Variants in HDAC9 observed in about 807,000 individuals in gnomAD.
The protein encoded by HDAC9 is histone deacetylase 9, also known as MEF-2 interacting transcription repressor (MITR) protein.
HDAC9 carries 41 observed loss-of-function variants against 139.4 expected under a neutral mutation model. That is an observed-to-expected ratio of 0.29 (90% CI 0.23 to 0.38). HDAC9 has a LOEUF of 0.38. Among genes scored for constraint, HDAC9 ranks in the 10% least tolerant of loss-of-function variants. The pLI is 1.00. For missense variants in HDAC9, 1,147 were observed against 1,297.0 expected (o/e 0.88, Z 1.78); for synonymous variants, 517 against 476.2 (o/e 1.09, Z -1.12).
chr7:18,572,507 G>A (rs982688886), intron 2 of HDAC9, among the ~76,000 whole-genome samples: 8 of 151,936 alleles, frequency 5.3e-5, no homozygotes, highest in South Asian at 2.1e-4. Context: ...GAAAGGGGAC[G>A]GTTTGCACCA....
At chr7:18,759,701 T>C (rs964948347) in intron 14 of HDAC9, among the ~76,000 whole-genome samples, 1 of 152,216 alleles carries the variant, frequency 6.6e-6, no homozygotes, top group Non-Finnish European at 1.5e-5. Flanking sequence ...GCCAAAAAGA[T>C]TGGAAACCGC....
At chr7:18,985,416 T>C (rs1785265153) in intron 25 of HDAC9, among the ~76,000 whole-genome samples, 1 of 152,252 alleles carries the variant, frequency 6.6e-6, no homozygotes. Flanking sequence ...TTTTTATGGC[T>C]GCATGGTATT....
At chr7:18,519,995 G>A (rs1270949830) in intron 2 of HDAC9, among the ~76,000 whole-genome samples, 1 of 151,988 alleles carries the variant, frequency 6.6e-6, no homozygotes, top group Admixed American at 6.6e-5. Flanking sequence ...AGCATAGTAA[G>A]CTCAACTAAT....
chr7:18,979,732 C>T (rs916163005), intron 25 of HDAC9, among the ~76,000 whole-genome samples: 2 of 152,110 alleles, frequency 1.3e-5, no homozygotes, highest in East Asian at 1.9e-4. Flanking sequence ...GGAGCGGGTA[C>T]ATCACATGGC....
At chr7:18,791,001 A>C (rs1792254595) in intron 16 of HDAC9, among the ~76,000 whole-genome samples, 1 of 152,202 alleles carries the variant, frequency 6.6e-6, no homozygotes, top group South Asian at 2.1e-4. Context: ...AGACACCAAA[A>C]TTAATGTCAC....
chr7:18,439,641 C>A (rs940225172), intron 1 of HDAC9, among the ~76,000 whole-genome samples: 2 of 152,062 alleles, frequency 1.3e-5, no homozygotes, highest in Admixed American at 1.3e-4. Context: ...GACATGGAGA[C>A]CTATTTGTAG....
Position 18,750,072 on chromosome 7 carries a change from A to T in HDAC9, c.2043+934A>T, listed in dbSNP as rs1164229354. ...ACTTAGGTTTAAACTGAGTCTGTAA[A>T]ATATTTTACTTGAAATAGAAATGCC... On this transcript the variant is annotated intron_variant, in intron 14 of 25. Coordinates refer to ENST00000686413, the MANE Select transcript of HDAC9 (RefSeq NM_178425.4). 5.3e-5 allele frequency among the ~76,000 whole-genome samples: 8 copies of T among 152,320 alleles called. No homozygotes were observed. The South Asian group carries it at 8.3e-4, about 16-fold the overall frequency.
chr7:18,680,403 G>T (rs78499138), intron 12 of HDAC9, among the ~76,000 whole-genome samples: 1 of 151,994 alleles, frequency 6.6e-6, no homozygotes, highest in East Asian at 1.9e-4. Flanking sequence ...AGTTGGTATA[G>T]AAATGTGTTC....
intron 23 of HDAC9, among the ~76,000 whole-genome samples, chr7:18,943,584 A>G (rs1194626972): frequency 6.6e-6 from 1 of 152,070 alleles, no homozygotes; most frequent in Non-Finnish European, 1.5e-5. Flanking sequence ...TCCTCCTTTC[A>G]TTCATTGGCT....
intron 2 of HDAC9, among the ~76,000 whole-genome samples, chr7:18,175,813 T>G (rs1788853747): frequency 2.8e-5 from 4 of 141,566 alleles, no homozygotes; most frequent in Non-Finnish European, 6.1e-5. Flanking sequence ...CACTTGATTA[T>G]ATAAGGCTCT....
At chr7:18,944,321 C>T (rs889853624) in intron 23 of HDAC9, among the ~76,000 whole-genome samples, 4 of 152,160 alleles carry the variant, frequency 2.6e-5, no homozygotes, top group Admixed American at 6.5e-5. Flanking sequence ...TTGTCTGAGT[C>T]GCTTTGCATG....
chr7:18,746,071 A>G (rs147380266), intron 13 of HDAC9, among the ~76,000 whole-genome samples: 144 of 149,796 alleles, frequency 9.6e-4, no homozygotes, highest in African/African-American at 3.1e-3. Context: ...GGGTCTCCCT[A>G]TGTTGTTCAG....
chr7:18,276,962 C>T (rs1201093182), intron 2 of HDAC9, among the ~76,000 whole-genome samples: 1 of 152,014 alleles, frequency 6.6e-6, no homozygotes, highest in East Asian at 1.9e-4. Context: ...ATTTTTCTTG[C>T]ATCCTTTTAT....
chr7:18,435,153 A>C (rs1300236855), intron 1 of HDAC9, among the ~76,000 whole-genome samples: 1 of 151,506 alleles, frequency 6.6e-6, no homozygotes. Context: ...CTAATGCAGG[A>C]ACAGAAAACC....
intron 1 of HDAC9, among the ~76,000 whole-genome samples, chr7:18,331,485 G>A (rs1800915412): frequency 6.6e-6 from 1 of 151,598 alleles, no homozygotes; most frequent in Non-Finnish European, 1.5e-5. Context: ...TATTAGTTGT[G>A]TAGTAAAATG....
chr7:18,965,628 T>A (rs986826822), intron 24 of HDAC9, among the ~76,000 whole-genome samples: 1 of 152,230 alleles, frequency 6.6e-6, no homozygotes, highest in African/African-American at 2.4e-5. Flanking sequence ...TAGAGTTTAA[T>A]TCCTCTGGGG....
At chr7:18,832,799 G>A (rs980839407) in intron 19 of HDAC9, among the ~76,000 whole-genome samples, 13 of 151,932 alleles carry the variant, frequency 8.6e-5, no homozygotes, top group African/African-American at 1.5e-4. Context: ...GCAATGGCAC[G>A]ATCTCGGCTC....
Position 18,928,093 on chromosome 7 carries a change from C to T in HDAC9, c.2804-7716C>T, listed in dbSNP as rs542804973. ...TTTCTCTGAGAATTGGCTGCTGATT[C>T]TAGAGTCTGTTCTATTTTACTACAG... On this transcript the variant is annotated intron_variant, in intron 22 of 25. Transcript: ENST00000686413. Among the ~76,000 whole-genome samples, 142 of 152,244 alleles carry T rather than the reference C, an allele frequency of 9.3e-4. No individual in the cohort carries two copies. In the Middle Eastern group the frequency reaches 0.01, roughly 11 times the overall value.
chr7:18,282,498 A>C (rs576953166), intron 2 of HDAC9, among the ~76,000 whole-genome samples: 96 of 152,274 alleles, frequency 6.3e-4, no homozygotes, highest in African/African-American at 1.9e-3. Context: ...TATTATTCTT[A>C]AACAAGACAA....
Sources: gnomAD v4.1 joint callset for allele counts (sites outside exome capture counted in the v4.1 genomes callset) on GRCh38, gnomAD v4.1.1 for gene constraint, MANE v1.5 for transcripts, NCBI Gene and HGNC (gene_info 2026-07-23, HGNC 2026-07-21) for gene names.